DCN: variants seen among roughly 807,000 people sequenced by gnomAD.
The protein encoded by DCN is decorin.
A neutral mutation model predicts 36.5 loss-of-function variants in DCN; 17 were observed. That is an observed-to-expected ratio of 0.47 (90% CI 0.32 to 0.70). The LOEUF is 0.70. Among genes scored for constraint, DCN ranks in the 30% least tolerant of loss-of-function variants. DCN has a pLI of 0.04. For missense variants in DCN, 389 were observed against 430.1 expected (o/e 0.90, Z 0.84); for synonymous variants, 163 against 161.4 (o/e 1.01, Z -0.07).
At chr12:91,160,014 T>C (rs1380229389) in intron 3 of DCN, among the ~76,000 whole-genome samples, 1 of 152,168 alleles carries the variant, frequency 6.6e-6, no homozygotes, top group Non-Finnish European at 1.5e-5. Flanking sequence ...TATATCCTCA[T>C]ATAGTTCACA....
rs1425528841 is a variant in DCN at position 91,171,346 on chromosome 12, A to G, written c.212-6629T>C. Among the ~76,000 whole-genome samples, 4 of 152,344 alleles carry G rather than the reference A, an allele frequency of 2.6e-5. No individual in the cohort carries two copies. In the East Asian group the frequency reaches 5.8e-4, roughly 22 times the overall value. On this transcript the variant is annotated intron_variant, in intron 2 of 7. Coordinates refer to ENST00000052754, the MANE Select transcript of DCN (RefSeq NM_001920.5). ...TGCTCAAACTTCTCATTAGAAATGT[A>G]TATAAATGTAAGTAAATATGTAGAT...
At position 91,162,235 on chromosome 12, in the gene DCN, G is replaced by A. The variant is rs535384667; in HGVS notation, c.324+2370C>T. On this transcript the variant is annotated intron_variant, in intron 3 of 7. Transcript: ENST00000052754. ...ATTACAGGCATGAGCCACTGCACCC[G>A]GCCTTTCTGCATTTTTTAAAATGGT... Among the ~76,000 whole-genome samples the A allele has an allele frequency of 5.3e-5, 8 of 152,000 alleles. No homozygotes were observed. The East Asian group carries it at 5.8e-4, about 11-fold the overall frequency.
intron 7 of DCN, among the ~76,000 whole-genome samples, chr12:91,147,403 C>A (rs1881097150): frequency 6.6e-6 from 1 of 152,190 alleles, no homozygotes; most frequent in African/African-American, 2.4e-5. Flanking sequence ...TGTTTTTCTT[C>A]ATAGCATTAT....
intron 2 of DCN, chr12:91,175,139 T>C (rs1219360417): frequency 6.6e-6 from 1 of 152,150 alleles, no homozygotes; most frequent in East Asian, 1.9e-4. Context: ...TACATTTATT[T>C]TTAACATTGC....
At chr12:91,147,945 G>A (rs1446582074) in intron 7 of DCN, among the ~76,000 whole-genome samples, 3 of 152,116 alleles carry the variant, frequency 2.0e-5, no homozygotes, top group African/African-American at 7.2e-5. Context: ...CCTAAAAACC[G>A]GAATTATACA....
rs766929582 is a variant in DCN at position 91,142,397 on chromosome 12, A to G, written c.*3661T>C. On this transcript the variant is annotated 3_prime_UTR_variant, in exon 8 of 8. Coordinates refer to ENST00000052754, the MANE Select transcript of DCN (RefSeq NM_001920.5). The stretch of plus-strand genomic sequence containing the variant: ...AGGGATTAGGCAATTCTTCCTTCGT[A>G]TAAAGATAAGATTATGATATCCTGC... The G allele has an allele frequency of 1.3e-5, 2 of 152,226 alleles. No individual in the cohort carries two copies. The highest frequency in any genetic ancestry group is 2.4e-5 in the African/African-American group (1 of 41,466). The allele number at this position is 152,226 out of a possible 1,614,324, so 9.4% of individuals were successfully genotyped here.
chr12:91,177,750 A>G, intron 2 of DCN: 1 of 694,386 alleles, frequency 1.4e-6, no homozygotes, highest in East Asian at 2.7e-5. Flanking sequence ...TCTAAAGAAT[A>G]TAAGCAGCTG....
intron 2 of DCN, chr12:91,177,841 TG>T (rs749691105): frequency 1.3e-4 from 75 of 594,528 alleles, no homozygotes; most frequent in Non-Finnish European, 1.1e-4. Flanking sequence ...GATAAGATTT[TG>T]TCATAAAATT....
At chr12:91,166,009 A>G (rs1196704429) in intron 2 of DCN, among the ~76,000 whole-genome samples, 1 of 152,158 alleles carries the variant, frequency 6.6e-6, no homozygotes, top group Non-Finnish European at 1.5e-5. Context: ...TTTTATGTAA[A>G]CATACTTGTA....
At chr12:91,146,434 G>A (rs1170390997) in intron 7 of DCN, among the ~76,000 whole-genome samples, 182 bp from the exon 8 acceptor site, 1 of 127,594 alleles carries the variant, frequency 7.8e-6, no homozygotes, top group African/African-American at 3.1e-5. Flanking sequence ...TCAGTGCATT[G>A]CAGCCTCTGC....
At chr12:91,160,210 G>C (rs1437091081) in intron 3 of DCN, among the ~76,000 whole-genome samples, 1 of 152,106 alleles carries the variant, frequency 6.6e-6, no homozygotes, top group Non-Finnish European at 1.5e-5. Context: ...AAAAGCCAGA[G>C]CCAGCTGAGT....
intron 2 of DCN, among the ~76,000 whole-genome samples, chr12:91,170,963 G>T (rs955081721): frequency 3.3e-5 from 5 of 152,040 alleles, no homozygotes; most frequent in Admixed American, 1.3e-4. Context: ...TTAAGCCTAT[G>T]ATTGTATTAA....
At position 91,140,899 on chromosome 12, in the gene DCN, T is replaced by G. The variant is rs1011686761; in HGVS notation, c.*5159A>C. The G allele has an allele frequency of 6.6e-6, 1 of 152,248 alleles. No homozygotes were observed. The highest frequency in any genetic ancestry group is 1.5e-5 in the Non-Finnish European group (1 of 68,080). The allele number at this position is 152,248 out of a possible 1,614,324, so 9.4% of individuals were successfully genotyped here. A position where few individuals can be genotyped will look rare whatever the true frequency, so the allele number is the denominator to read the frequency against. ...TTCCTGAAGTCATCTCTGTTTCTTT[T>G]CTTTCTCTCTCATGCCCCATCTGAT... On this transcript the variant is annotated 3_prime_UTR_variant, in exon 8 of 8. Transcript: ENST00000052754.
At chr12:91,171,150 T>G (rs1029371086) in intron 2 of DCN, among the ~76,000 whole-genome samples, 10 of 152,154 alleles carry the variant, frequency 6.6e-5, no homozygotes. Flanking sequence ...AGGTACGACT[T>G]AATACTTTTC....
chr12:91,148,712 G>T (rs1407233723), intron 7 of DCN, among the ~76,000 whole-genome samples: 1 of 69,932 alleles, frequency 1.4e-5, no homozygotes, highest in Non-Finnish European at 2.6e-5. Flanking sequence ...AGAGCGAGAC[G>T]CTCCGACTCA....
intron 2 of DCN, chr12:91,177,647 CT>C: frequency 1.4e-6 from 1 of 702,068 alleles, no homozygotes; most frequent in Non-Finnish European, 2.6e-6. Flanking sequence ...ATAAATCAAA[CT>C]GTCTTTAGGG....
chr12:91,180,483 T>G (rs948024448), intron 1 of DCN: 1 of 152,186 alleles, frequency 6.6e-6, no homozygotes, highest in Non-Finnish European at 1.5e-5. Context: ...GCCTAGATTC[T>G]CTAGAGAAGA....
chr12:91,170,810 C>A (rs896514593), intron 2 of DCN, among the ~76,000 whole-genome samples: 2 of 152,074 alleles, frequency 1.3e-5, no homozygotes, highest in African/African-American at 4.8e-5. Context: ...ACACGAGGAC[C>A]AGAGATTATT....
intron 2 of DCN, chr12:91,172,106 CA>C (rs35315104): frequency 0.38 from 56,805 of 151,454 alleles, 12,806 homozygotes; most frequent in African/African-American, 0.63. Flanking sequence ...AAGATATTAC[CA>C]AAAAAATCAT....
Sources: allele counts gnomAD v4.1 joint callset (sites outside exome capture counted in the v4.1 genomes callset), GRCh38; gene constraint gnomAD v4.1.1; transcripts MANE v1.5; gene names NCBI Gene and HGNC (gene_info 2026-07-23, HGNC 2026-07-21).